Variants in SLC14A2 observed in about 807,000 individuals in gnomAD.
SLC14A2 encodes the protein solute carrier family 14 member 2, also known as urea transporter 2.
Under a neutral mutation model 104.6 loss-of-function variants are expected in SLC14A2, and 91 were observed. The observed-to-expected ratio is 0.87, with a 90% confidence interval of 0.73 to 1.04. The LOEUF is 1.04. Ranked by LOEUF, SLC14A2 falls within the 50% of genes least tolerant of loss-of-function variation. SLC14A2 has a pLI of 0.00. For synonymous variants in SLC14A2, 476 were observed against 466.4 expected (o/e 1.02, Z -0.27); for missense variants, 1,189 against 1,156.0 (o/e 1.03, Z -0.41).
chr18:45,596,205 G>T (rs1190655233), intron 2 of SLC14A2, among the ~76,000 whole-genome samples: 2 of 152,194 alleles, frequency 1.3e-5, no homozygotes, highest in Non-Finnish European at 2.9e-5. Flanking sequence ...AAACCATGTG[G>T]AAAGGCCTGG....
chr18:45,173,818 G>A, the SLC14A2 span, among the ~76,000 whole-genome samples: 1 of 152,262 alleles, frequency 6.6e-6, no homozygotes, highest in African/African-American at 2.4e-5. Context: ...CCTAATGCAT[G>A]AAGCTGAAAG....
At chr18:45,325,030 C>G (rs1289691289) in intron 1 of SLC14A2, among the ~76,000 whole-genome samples, 2 of 152,168 alleles carry the variant, frequency 1.3e-5, no homozygotes, top group African/African-American at 4.8e-5. Flanking sequence ...GGCTCATTAC[C>G]TCGCAGCAAG....
intron 1 of SLC14A2, among the ~76,000 whole-genome samples, chr18:45,270,926 G>C (rs1022358669): frequency 6.6e-6 from 1 of 152,104 alleles, no homozygotes; most frequent in Non-Finnish European, 1.5e-5. Flanking sequence ...AAGTGAGAAA[G>C]CCTGAAAGAA....
chr18:45,544,786 C>CTTTT (rs71373715), intron 2 of SLC14A2, among the ~76,000 whole-genome samples: 66 of 88,858 alleles, frequency 7.4e-4, no homozygotes, highest in African/African-American at 8.3e-4. Flanking sequence ...TCAATAATGT[C>CTTTT]TTTTTTTTTT....
chr18:45,359,720 G>C (rs1459191996), intron 1 of SLC14A2, among the ~76,000 whole-genome samples: 1 of 152,212 alleles, frequency 6.6e-6, no homozygotes, highest in Non-Finnish European at 1.5e-5. Flanking sequence ...GCAGCCTGGA[G>C]AGCACAAATT....
intron 1 of SLC14A2, among the ~76,000 whole-genome samples, chr18:45,301,777 A>G (rs1252886866): frequency 1.3e-5 from 2 of 152,200 alleles, no homozygotes; most frequent in African/African-American, 2.4e-5. Flanking sequence ...ATGATTTTGT[A>G]TCCTGAACAG....
Position 45,596,452 on chromosome 18 carries a change from C to T in SLC14A2, c.-34-28179C>T, listed in dbSNP as rs16978421. 3.3e-3 allele frequency among the ~76,000 whole-genome samples: 508 copies of T among 152,240 alleles called. 2 individuals carry two copies. The highest frequency in any genetic ancestry group is 0.012 in the African/African-American group (490 of 41,536). ...GGAAGATGGCCAGAATGGGCATTTC[C>T]TGTGATATATGAAACCCAATGGGAA... On this transcript the variant is annotated intron_variant, in intron 2 of 20. Coordinates refer to the SLC14A2 transcript ENST00000586448.
intron 6 of SLC14A2, among the ~76,000 whole-genome samples, chr18:45,639,391 C>G (rs1381947474): frequency 6.6e-6 from 1 of 152,158 alleles, no homozygotes; most frequent in Non-Finnish European, 1.5e-5. Context: ...GTATGGATTT[C>G]AGAAGGTCTA....
chr18:45,274,645 T>C (rs1461077417), intron 1 of SLC14A2, among the ~76,000 whole-genome samples: 1 of 152,250 alleles, frequency 6.6e-6, no homozygotes, highest in East Asian at 1.9e-4. Context: ...AGTCAACAGA[T>C]GTCTGGGTTG....
chr18:45,300,510 T>A (rs1795243155), intron 1 of SLC14A2, among the ~76,000 whole-genome samples: 1 of 152,190 alleles, frequency 6.6e-6, no homozygotes, highest in Non-Finnish European at 1.5e-5. Context: ...AATCCTGACT[T>A]GTAGTCATTT....
At chr18:45,620,127 G>A (rs1362452917) in intron 1 of SLC14A2, among the ~76,000 whole-genome samples, 1 of 152,198 alleles carries the variant, frequency 6.6e-6, no homozygotes, top group African/African-American at 2.4e-5. Context: ...CCGTGGCAAA[G>A]GAACGCTGTA....
intron 1 of SLC14A2, among the ~76,000 whole-genome samples, chr18:45,328,848 C>T (rs2144255635): frequency 6.6e-6 from 1 of 152,278 alleles, no homozygotes; most frequent in Non-Finnish European, 1.5e-5. Context: ...CCCAAACAAA[C>T]TCAAAAAAAG....
Position 45,668,336 on chromosome 18 carries a change from C to T in SLC14A2, c.1908-13C>T. On this transcript the variant is annotated splice_polypyrimidine_tract_variant and intron_variant, in intron 14 of 19. Coordinates refer to ENST00000255226, the MANE Select transcript of SLC14A2 (RefSeq NM_007163.4). ...GAAGCCCCTGCTCCACCTGACCCTCCCTCTCCTGCCAGGTCGGCCATCGCT... is the reference window on the plus strand; with the variant it reads ...GAAGCCCCTGCTCCACCTGACCCTCTCTCTCCTGCCAGGTCGGCCATCGCT... 6.2e-7 allele frequency: 1 copy of T among 1,613,830 alleles called. No homozygotes were observed. Among genetic ancestry groups the T allele is most frequent in the South Asian group, 1.1e-5 (1 of 91,052 alleles).
the SLC14A2 span, among the ~76,000 whole-genome samples, chr18:45,184,345 C>T: frequency 1.3e-5 from 2 of 152,156 alleles, no homozygotes; most frequent in African/African-American, 4.8e-5. Context: ...TCTTTGGTGG[C>T]AAATGCAGTC....
In SLC14A2 at chr18:45,681,538, A is replaced by C. The variant is rs2046308798; in HGVS notation, c.2563-781A>C. Among the ~76,000 whole-genome samples, 3 of 152,334 alleles carry C rather than the reference A, an allele frequency of 2.0e-5. No individual in the cohort carries two copies. In the South Asian group the frequency reaches 6.2e-4, roughly 32 times the overall value. ...TTAGAGCATCTCAAGAAATAAAAACAGGTCAACATCAAGAGAAAAAGAGCT... is the reference window on the plus strand; with the variant it reads ...TTAGAGCATCTCAAGAAATAAAAACCGGTCAACATCAAGAGAAAAAGAGCT... On this transcript the variant is annotated intron_variant, in intron 19 of 19. Coordinates refer to ENST00000255226, the MANE Select transcript of SLC14A2 (RefSeq NM_007163.4).
At chr18:45,174,225 A>T in the SLC14A2 span, among the ~76,000 whole-genome samples, 1 of 152,050 alleles carries the variant, frequency 6.6e-6, no homozygotes, top group African/African-American at 2.4e-5. Context: ...CTCTCCCACC[A>T]TGTCAGCATC....
intron 2 of SLC14A2, among the ~76,000 whole-genome samples, chr18:45,582,761 A>G (rs2044512729): frequency 1.3e-5 from 2 of 152,030 alleles, no homozygotes; most frequent in Admixed American, 1.3e-4. Context: ...TCATTCCCAC[A>G]CTGATGTCAC....
chr18:45,455,472 C>A (rs190455774), intron 1 of SLC14A2, among the ~76,000 whole-genome samples: 34 of 151,912 alleles, frequency 2.2e-4, no homozygotes, highest in African/African-American at 8.0e-4. Flanking sequence ...GGGAGGGGAA[C>A]ATCACACACC....
rs184771509 is a variant in SLC14A2 at position 45,494,195 on chromosome 18, A to G, written c.-35+10873A>G. On this transcript the variant is annotated intron_variant, in intron 2 of 20. Coordinates refer to the SLC14A2 transcript ENST00000586448. ...TGCAAAGCCCAATTTTTCCATGTCC[A>G]CCTTTCTATCTGGACAGTTGAATTC... Among the ~76,000 whole-genome samples, 759 of 152,318 alleles carry G rather than the reference A, an allele frequency of 5.0e-3. 7 individuals are homozygous for G. Among genetic ancestry groups the G allele is most frequent in the Non-Finnish European group, 7.1e-3 (482 of 68,028 alleles).
Sources: gnomAD v4.1 joint callset for allele counts (sites outside exome capture counted in the v4.1 genomes callset) on GRCh38, gnomAD v4.1.1 for gene constraint, MANE v1.5 for transcripts, NCBI Gene and HGNC (gene_info 2026-07-23, HGNC 2026-07-21) for gene names.